Variants in MGAT4C observed in about 807,000 individuals in gnomAD.
MGAT4C encodes MGAT4 family member C.
Under a neutral mutation model 40.1 loss-of-function variants are expected in MGAT4C, and 19 were observed. The observed-to-expected ratio is 0.47, with a 90% CI of 0.33 to 0.70. The LOEUF (loss-of-function observed/expected upper bound fraction) is 0.70. Ranked by LOEUF, MGAT4C falls within the 30% of genes least tolerant of loss-of-function variation. The pLI, the probability that MGAT4C is intolerant of heterozygous loss-of-function variation, is 0.02. For missense variants in MGAT4C, 491 were observed against 563.2 expected, an observed-to-expected ratio of 0.87 and a Z score of 1.30; for synonymous variants, 181 against 187.1, an observed-to-expected ratio of 0.97 and a Z score of 0.27.
chr12:86,430,749 G>T (rs1957021030), intron 3 of MGAT4C, among the ~76,000 whole-genome samples: 1 of 152,140 alleles, frequency 6.6e-6, no homozygotes, highest in Admixed American at 6.5e-5. Context: ...CAGAGGCTAT[G>T]GTCCTTAGAA....
intron 4 of MGAT4C, among the ~76,000 whole-genome samples, chr12:86,321,580 G>A (rs1001020806): frequency 3.9e-5 from 6 of 152,060 alleles, no homozygotes; most frequent in African/African-American, 1.4e-4. Flanking sequence ...TGCTGAAAAT[G>A]GCCGCCAGAA....
chr12:86,368,324 T>G (rs1246061967), intron 3 of MGAT4C, among the ~76,000 whole-genome samples: 2 of 152,284 alleles, frequency 1.3e-5, no homozygotes, highest in East Asian at 3.9e-4. Context: ...TGTTTGTTGA[T>G]TTTATCTTTC....
In MGAT4C at chr12:85,999,028, G is replaced by T. The variant is rs549397716; in HGVS notation, c.-6-9476C>A. ...AATGGACTTACAGTTCCACATGGCT[G>T]GGGAGTCCTCACAAACATGGTGGAA... On this transcript the variant is annotated intron_variant, in intron 2 of 4. Transcript: ENST00000611864. Among the ~76,000 whole-genome samples, 321 of 152,256 alleles carry T rather than the reference G, an allele frequency of 2.1e-3. 2 individuals are homozygous for T. Among genetic ancestry groups the T allele is most frequent in the African/African-American group, 7.1e-3 (297 of 41,542 alleles).
At chr12:86,257,516 A>T (rs1952556467), upstream of MGAT4C, among the ~76,000 whole-genome samples, 1 of 152,202 alleles carries the variant, frequency 6.6e-6, no homozygotes, top group African/African-American at 2.4e-5. Context: ...ATTCACTTCA[A>T]CCACCCCAAC....
Position 85,967,037 on chromosome 12 carries a change from A to G in MGAT4C, c.*12252T>C, listed in dbSNP as rs1490363668. ...TTGTGCACATGTACCCTAAAACTTA[A>G]AGTATAATAATAAAAAAATTCTTAG... On this transcript the variant is annotated 3_prime_UTR_variant, in exon 5 of 5. Transcript: ENST00000611864. 2 of 152,164 alleles carry G rather than the reference A, an allele frequency of 1.3e-5. No individual in the cohort carries two copies. The highest frequency in any genetic ancestry group is 2.9e-5 in the Non-Finnish European group (2 of 68,030). 9.4% of individuals were successfully genotyped at this position (152,164 alleles called of 1,614,324 possible). A position where few individuals can be genotyped will look rare whatever the true frequency, so the allele number is the denominator to read the frequency against.
chr12:86,365,253 C>T (rs1592748152), intron 3 of MGAT4C, among the ~76,000 whole-genome samples: 2 of 152,142 alleles, frequency 1.3e-5, no homozygotes, highest in Non-Finnish European at 2.9e-5. Context: ...GGCTCACCGG[C>T]GGTCAAAGTT....
intron 1 of MGAT4C, among the ~76,000 whole-genome samples, chr12:86,764,527 G>A (rs553986245): frequency 5.6e-5 from 7 of 124,742 alleles, no homozygotes; most frequent in East Asian, 4.8e-4. Flanking sequence ...CTCCCAGCAC[G>A]CAGCTGGAGA....
chr12:86,321,616 G>A (rs1954389503), intron 4 of MGAT4C, among the ~76,000 whole-genome samples: 1 of 152,066 alleles, frequency 6.6e-6, no homozygotes, highest in African/African-American at 2.4e-5. Context: ...ATGCCACTAT[G>A]TTCTTTTTTA....
At chr12:86,626,807 A>G (rs186292803) in intron 2 of MGAT4C, among the ~76,000 whole-genome samples, 10 of 152,340 alleles carry the variant, frequency 6.6e-5, no homozygotes, top group Admixed American at 4.6e-4. Flanking sequence ...TGATTGACAC[A>G]GAAGACAGGT....
chr12:85,998,492 TC>T (rs998916175), intron 2 of MGAT4C, among the ~76,000 whole-genome samples: 1 of 152,190 alleles, frequency 6.6e-6, no homozygotes, highest in Non-Finnish European at 1.5e-5. Flanking sequence ...ATGCTTTGCT[TC>T]CCTTATAAAA....
intron 2 of MGAT4C, among the ~76,000 whole-genome samples, chr12:86,033,882 CTTTTA>C (rs1460442147): frequency 2.0e-5 from 3 of 148,968 alleles, no homozygotes; most frequent in East Asian, 3.9e-4. Flanking sequence ...TGGCTGTGGG[CTTTTA>C]TTTTATTTTT....
chr12:86,690,463 C>T (rs1281712875), intron 2 of MGAT4C, among the ~76,000 whole-genome samples: 3 of 152,130 alleles, frequency 2.0e-5, no homozygotes, highest in Non-Finnish European at 4.4e-5. Flanking sequence ...AGAGAATCTC[C>T]TGGTCTGCTG....
chr12:86,287,766 T>G (rs983895466), intron 4 of MGAT4C, among the ~76,000 whole-genome samples: 3 of 152,246 alleles, frequency 2.0e-5, no homozygotes, highest in Non-Finnish European at 1.5e-5. Flanking sequence ...GCATTTGGGT[T>G]GGTTCTAAAT....
chr12:86,109,198 C>G lies in MGAT4C; in HGVS notation c.-56-59475G>C, dbSNP rs150531870. 4.3e-4 allele frequency among the ~76,000 whole-genome samples: 65 copies of G among 152,180 alleles called. 1 individual carries two copies. The East Asian group carries it at 0.012, about 29-fold the overall frequency. On this transcript the variant is annotated intron_variant, in intron 1 of 4. Transcript: ENST00000611864. ...TTTGTAATTAATTAGACACTAGCAC[C>G]AAAATTGTTCTATTTGTGTCTTCTA...
At chr12:86,086,194 G>A (rs924754100) in intron 1 of MGAT4C, among the ~76,000 whole-genome samples, 1 of 152,032 alleles carries the variant, frequency 6.6e-6, no homozygotes, top group Non-Finnish European at 1.5e-5. Context: ...TATACACCAC[G>A]GAATACTATG....
intron 4 of MGAT4C, among the ~76,000 whole-genome samples, chr12:85,982,207 T>A (rs1034787464): frequency 2.0e-5 from 3 of 152,092 alleles, no homozygotes; most frequent in African/African-American, 7.2e-5. Context: ...TGAAATGGAG[T>A]CTTGCTCTGT....
intron 2 of MGAT4C, among the ~76,000 whole-genome samples, chr12:86,505,606 T>C (rs1250381327): frequency 1.3e-5 from 2 of 152,206 alleles, no homozygotes; most frequent in African/African-American, 4.8e-5. Flanking sequence ...AGATGTGAAA[T>C]GGTTAAGCAT....
intron 3 of MGAT4C, among the ~76,000 whole-genome samples, chr12:86,394,479 T>A (rs1038221790): frequency 6.3e-5 from 9 of 143,540 alleles, no homozygotes; most frequent in African/African-American, 1.0e-4. Context: ...TATACTTTTT[T>A]ATATATATAC....
chr12:86,158,225 A>T (rs1474836254), intron 1 of MGAT4C, among the ~76,000 whole-genome samples: 1 of 152,122 alleles, frequency 6.6e-6, no homozygotes, highest in Non-Finnish European at 1.5e-5. Context: ...ATACAAATAC[A>T]TTAATGTAGT....
Sources: gnomAD v4.1 joint callset for allele counts (sites outside exome capture counted in the v4.1 genomes callset) on GRCh38, gnomAD v4.1.1 for gene constraint, MANE v1.5 for transcripts, NCBI Gene and HGNC (gene_info 2026-07-23, HGNC 2026-07-21) for gene names.